NINJ2: variants seen among roughly 807,000 people sequenced by gnomAD.
NINJ2 encodes the protein ninjurin-2.
In NINJ2, 12 loss-of-function variants were observed where a neutral mutation model predicts 11.7. The ratio of observed to expected loss-of-function variants is 1.02; its 90% CI spans 0.66 to 1.66. The LOEUF is 1.66. Among genes scored for constraint, NINJ2 ranks in the 40% most tolerant of loss-of-function variants. NINJ2 has a pLI of 0.00. For synonymous variants in NINJ2, 93 were observed against 76.8 expected (o/e 1.21, Z -1.10); for missense variants, 187 against 181.8 (o/e 1.03, Z -0.16).
chr12:571,200 A>T (rs890598323), intron 1 of NINJ2, among the ~76,000 whole-genome samples: 6 of 152,226 alleles, frequency 3.9e-5, no homozygotes, highest in African/African-American at 1.4e-4. Flanking sequence ...TGGCCAACCA[A>T]TGACACCTGG....
chr12:572,994 T>C (rs1321574674), intron 1 of NINJ2, among the ~76,000 whole-genome samples: 4 of 143,860 alleles, frequency 2.8e-5, no homozygotes, highest in African/African-American at 2.6e-5. Context: ...GTAGCTGGGA[T>C]TACAGGTGTG....
intron 1 of NINJ2, among the ~76,000 whole-genome samples, chr12:641,248 G>C (rs890318579): frequency 2.0e-5 from 3 of 152,116 alleles, no homozygotes; most frequent in African/African-American, 7.2e-5. Flanking sequence ...TTCCCACTTG[G>C]AAGGGGGAAT....
intron 1 of NINJ2, among the ~76,000 whole-genome samples, chr12:604,166 A>C (rs947537854): frequency 6.6e-6 from 1 of 152,220 alleles, no homozygotes; most frequent in African/African-American, 2.4e-5. Context: ...TCAGCTCTGC[A>C]AAGTCTGCTG....
Position 625,858 on chromosome 12 carries a change from C to T in NINJ2, c.33+37470G>A, listed in dbSNP as rs190756275. Among the ~76,000 whole-genome samples the T allele has an allele frequency of 6.4e-4, 98 of 152,240 alleles. 1 individual carries two copies. The highest frequency in any genetic ancestry group is 2.1e-3 in the African/African-American group (89 of 41,540). ...AATGGTTGATAGGATAATCATTATC[C>T]TATGACTCATCTTGTAGATACGTGT... On this transcript the variant is annotated intron_variant, in intron 1 of 3. Coordinates refer to ENST00000305108, the MANE Select transcript of NINJ2 (RefSeq NM_016533.6).
chr12:649,016 A>T (rs1322399584), intron 1 of NINJ2, among the ~76,000 whole-genome samples: 1 of 150,690 alleles, frequency 6.6e-6, no homozygotes, highest in South Asian at 2.1e-4. Flanking sequence ...CTATCTATCT[A>T]TCTATCTATC....
intron 1 of NINJ2, among the ~76,000 whole-genome samples, chr12:610,072 T>C (rs537206400): frequency 6.6e-6 from 1 of 152,120 alleles, no homozygotes; most frequent in African/African-American, 2.4e-5. Context: ...CTCCCAGCTG[T>C]CCTACTAGCC....
intron 1 of NINJ2, among the ~76,000 whole-genome samples, chr12:662,493 G>A (rs773623967): frequency 5.9e-5 from 9 of 152,190 alleles, no homozygotes; most frequent in Admixed American, 1.3e-4. Flanking sequence ...TGTATATTGG[G>A]TGGCTGCTTA....
chr12:625,102 C>CCAAAA (rs1948197990), intron 1 of NINJ2, among the ~76,000 whole-genome samples: 1 of 93,588 alleles, frequency 1.1e-5, no homozygotes, highest in African/African-American at 4.3e-5. Context: ...GACTTCATCT[C>CCAAAA]AAAAAAAAAA....
chr12:615,105 A>G (rs113599128), intron 1 of NINJ2, among the ~76,000 whole-genome samples: 1,567 of 152,280 alleles, frequency 0.01, 29 homozygotes, highest in African/African-American at 0.036. Context: ...GATTATAGAA[A>G]TAATAACCTA....
Position 566,044 on chromosome 12 carries a change from C to T in NINJ2, c.168G>A (p.Gln56=), listed in dbSNP as rs1486417752. Residue 56 remains glutamine (Q), a synonymous_variant, in exon 2 of 4, where the codon CAG becomes CAA. Coordinates refer to ENST00000305108, the MANE Select transcript of NINJ2 (RefSeq NM_016533.6). ...TGGTGTAGTAGTGAGAGGATGGTCC[C>T]TGCTCCAGCACCGCCTTCAGCCGCA... ...NAMRLKAVLE[Q]GPSSHYYTTL... The T allele has an allele frequency of 6.2e-7, 1 of 1,614,208 alleles. No homozygotes were observed. The highest frequency in any genetic ancestry group is 1.7e-5 in the Admixed American group (1 of 60,028).
chr12:627,135 G>A (rs1948219087), intron 1 of NINJ2, among the ~76,000 whole-genome samples: 1 of 152,004 alleles, frequency 6.6e-6, no homozygotes, highest in Admixed American at 6.6e-5. Context: ...TACAGTAATG[G>A]CCCATAGCAA....
chr12:582,832 T>C (rs1947576126), intron 1 of NINJ2, among the ~76,000 whole-genome samples: 1 of 71,808 alleles, frequency 1.4e-5, no homozygotes, highest in Non-Finnish European at 2.5e-5. Flanking sequence ...TGTGAATGAA[T>C]GAATGGGCGC....
intron 1 of NINJ2, among the ~76,000 whole-genome samples, chr12:595,212 A>G (rs962236531): frequency 2.0e-5 from 3 of 152,260 alleles, no homozygotes; most frequent in Non-Finnish European, 4.4e-5. Context: ...ATAGATCTGC[A>G]TGTAAAACAC....
At chr12:657,141 A>T (rs552721167) in intron 1 of NINJ2, among the ~76,000 whole-genome samples, 7 of 152,344 alleles carry the variant, frequency 4.6e-5, no homozygotes, top group African/African-American at 1.7e-4. Context: ...GAAAGAAATA[A>T]TAAACTGGAT....
chr12:577,761 G>C (rs535855599), intron 1 of NINJ2, among the ~76,000 whole-genome samples: 1 of 125,894 alleles, frequency 7.9e-6, no homozygotes, highest in African/African-American at 3.4e-5. Context: ...TCACCATGTC[G>C]GCCAGGCTAA....
At chr12:569,300 G>C (rs1947345546) in intron 1 of NINJ2, among the ~76,000 whole-genome samples, 1 of 152,254 alleles carries the variant, frequency 6.6e-6, no homozygotes, top group Admixed American at 6.5e-5. Context: ...TCAGCCCCAA[G>C]GCTGCAACCT....
intron 1 of NINJ2, among the ~76,000 whole-genome samples, chr12:646,771 T>C (rs149107631): frequency 6.6e-6 from 1 of 152,198 alleles, no homozygotes; most frequent in East Asian, 1.9e-4. Flanking sequence ...GTCTCTGGAC[T>C]CCACACCCGA....
At chr12:649,910 A>G (rs1295374044) in intron 1 of NINJ2, among the ~76,000 whole-genome samples, 1 of 152,172 alleles carries the variant, frequency 6.6e-6, no homozygotes, top group Non-Finnish European at 1.5e-5. Context: ...ATTCTTCCAA[A>G]ACATAAAAAA....
intron 1 of NINJ2, chr12:643,521 C>A: frequency 1.0e-6 from 1 of 988,130 alleles, no homozygotes; most frequent in South Asian, 4.7e-5. Context: ...CTCATGTCCC[C>A]TCACTTAATC....
Sources: allele counts gnomAD v4.1 joint callset (sites outside exome capture counted in the v4.1 genomes callset), GRCh38; gene constraint gnomAD v4.1.1; transcripts MANE v1.5; gene names NCBI Gene and HGNC (gene_info 2026-07-23, HGNC 2026-07-21).